PSD3: variants seen among roughly 807,000 people sequenced by gnomAD.
The protein encoded by PSD3 is pleckstrin and Sec7 domain containing 3, also known as PH and SEC7 domain-containing protein 3.
Under a neutral mutation model 105.5 loss-of-function variants are expected in PSD3, and 49 were observed. The ratio of observed to expected loss-of-function variants is 0.46; its 90% CI spans 0.37 to 0.59. The LOEUF (loss-of-function observed/expected upper bound fraction) is 0.59, where lower values mean the gene tolerates loss of function less well. PSD3 is among the 20% of genes least tolerant of loss of function. The pLI is 0.00. For missense variants in PSD3, 1,561 were observed against 1,263.8 expected, an observed-to-expected ratio of 1.24 and a Z score of -3.57; for synonymous variants, 557 against 457.8, an observed-to-expected ratio of 1.22 and a Z score of -2.77.
chr8:18,851,480 A>T (rs1167256449), intron 4 of PSD3, among the ~76,000 whole-genome samples: 8 of 152,222 alleles, frequency 5.3e-5, no homozygotes, highest in African/African-American at 1.9e-4. Context: ...TCAGGACAGG[A>T]TTCCAGAGTG....
At chr8:18,557,648 A>G (rs1801159134) in intron 14 of PSD3, among the ~76,000 whole-genome samples, 1 of 152,340 alleles carries the variant, frequency 6.6e-6, no homozygotes, top group African/African-American at 2.4e-5. Flanking sequence ...TCATTTCTAA[A>G]TGCCAACTAT....
chr8:18,790,168 C>T (rs1213034167), intron 8 of PSD3, among the ~76,000 whole-genome samples: 1 of 152,002 alleles, frequency 6.6e-6, no homozygotes, highest in East Asian at 1.9e-4. Context: ...TTGACCAGTG[C>T]ATGATTAAAC....
At chr8:18,801,209 T>C in intron 7 of PSD3, 61 bp downstream of exon 7, 1 of 1,075,466 alleles carries the variant, frequency 9.3e-7, no homozygotes, top group South Asian at 1.5e-5. Context: ...AATTTAACTT[T>C]CATAATAAGG....
chr8:18,667,255 T>A (rs1000881912), intron 9 of PSD3, among the ~76,000 whole-genome samples: 3 of 152,166 alleles, frequency 2.0e-5, no homozygotes. Flanking sequence ...TTTGACAAGG[T>A]GCTGACTGGT....
In PSD3 at chr8:18,776,597, C is replaced by T. The variant is rs181736346; in HGVS notation, c.2083-11059G>A. 4.8e-3 allele frequency among the ~76,000 whole-genome samples: 730 copies of T among 152,014 alleles called. 8 individuals carry two copies. Among genetic ancestry groups the T allele is most frequent in the African/African-American group, 0.017 (704 of 41,470 alleles). On this transcript the variant is annotated intron_variant, in intron 8 of 15. Coordinates refer to ENST00000327040, the MANE Select transcript of PSD3 (RefSeq NM_015310.4). ...TTCACCATATTGGCCAGGCTGGTCT[C>T]GAACTTCTGACCTCGTGATCTGCTA...
intron 9 of PSD3, among the ~76,000 whole-genome samples, chr8:18,660,505 A>T (rs867673147): frequency 5.7e-4 from 87 of 152,328 alleles, no homozygotes; most frequent in African/African-American, 2.0e-3. Flanking sequence ...ATGATGATAT[A>T]CCCACAGGTG....
intron 11 of PSD3, among the ~76,000 whole-genome samples, chr8:18,626,207 A>T (rs11993767): frequency 0.018 from 2,691 of 152,138 alleles, 76 homozygotes; most frequent in African/African-American, 0.062. Flanking sequence ...CCAAGGTTTA[A>T]AAATATGGAT....
intron 1 of PSD3, among the ~76,000 whole-genome samples, chr8:19,060,239 A>G (rs969757322): frequency 2.6e-5 from 4 of 152,074 alleles, no homozygotes; most frequent in African/African-American, 9.7e-5. Context: ...TGAAAAAGAG[A>G]AAAAAAACTT....
chr8:18,738,587 A>G (rs1013201265), intron 9 of PSD3, among the ~76,000 whole-genome samples: 3 of 152,224 alleles, frequency 2.0e-5, no homozygotes, highest in Non-Finnish European at 1.5e-5. Context: ...TAATACAGTA[A>G]TCATTATCAG....
intron 1 of PSD3, among the ~76,000 whole-genome samples, chr8:19,080,799 T>C (rs973270731): frequency 3.3e-5 from 5 of 152,116 alleles, no homozygotes; most frequent in African/African-American, 9.7e-5. Context: ...ATAGATAAAA[T>C]TGAGGTCAGT....
At chr8:19,052,723 G>T (rs1828575966) in intron 1 of PSD3, among the ~76,000 whole-genome samples, 1 of 152,066 alleles carries the variant, frequency 6.6e-6, no homozygotes, top group Non-Finnish European at 1.5e-5. Context: ...AAAGGGGGAA[G>T]GAGTCTAGTT....
At chr8:18,747,501 C>T (rs1012078980) in intron 9 of PSD3, among the ~76,000 whole-genome samples, 1 of 152,150 alleles carries the variant, frequency 6.6e-6, no homozygotes, top group African/African-American at 2.4e-5. Flanking sequence ...GTGAAAGCAA[C>T]AGCAATCTTT....
At chr8:18,696,810 A>G (rs1371603907) in intron 9 of PSD3, among the ~76,000 whole-genome samples, 1 of 152,232 alleles carries the variant, frequency 6.6e-6, no homozygotes, top group Non-Finnish European at 1.5e-5. Flanking sequence ...ATAGAATGGT[A>G]CTGTCCAATA....
At chr8:18,627,860 G>GTTCCT (rs749800655) in intron 11 of PSD3, among the ~76,000 whole-genome samples, 7 of 151,106 alleles carry the variant, frequency 4.6e-5, no homozygotes, top group Non-Finnish European at 1.0e-4. Context: ...TAATGCAACA[G>GTTCCT]TTCCAGAAAC....
intron 9 of PSD3, among the ~76,000 whole-genome samples, chr8:18,707,438 C>T (rs2129419966): frequency 6.6e-6 from 1 of 152,276 alleles, no homozygotes; most frequent in South Asian, 2.1e-4. Context: ...AGGGCTTATC[C>T]TACTTATCTT....
At chr8:18,966,788 A>G (rs1824282162) in intron 1 of PSD3, among the ~76,000 whole-genome samples, 1 of 152,098 alleles carries the variant, frequency 6.6e-6, no homozygotes, top group Admixed American at 6.6e-5. Context: ...GTCATTTAAA[A>G]TCTGATTTTG....
intron 1 of PSD3, among the ~76,000 whole-genome samples, chr8:19,074,863 G>A (rs575907044): frequency 1.3e-5 from 2 of 151,494 alleles, no homozygotes; most frequent in East Asian, 1.9e-4. Flanking sequence ...CTTGTGATCC[G>A]CCTGCCTCGG....
At chr8:18,717,527 T>C (rs1802677626) in intron 9 of PSD3, among the ~76,000 whole-genome samples, 1 of 151,118 alleles carries the variant, frequency 6.6e-6, no homozygotes, top group Non-Finnish European at 1.5e-5. Context: ...TTGCTCCAGT[T>C]AAAAAAAAAC....
chr8:18,792,410 C>T (rs1360197045), intron 8 of PSD3, among the ~76,000 whole-genome samples: 1 of 152,128 alleles, frequency 6.6e-6, no homozygotes, highest in African/African-American at 2.4e-5. Flanking sequence ...ATGTCCTTTA[C>T]AGGGACAGGG....
Sources: allele counts gnomAD v4.1 joint callset (sites outside exome capture counted in the v4.1 genomes callset), GRCh38; gene constraint gnomAD v4.1.1; transcripts MANE v1.5; gene names NCBI Gene and HGNC (gene_info 2026-07-23, HGNC 2026-07-21).